The following ACOXL variants were observed in gnomAD, a reference collection of about 807,000 sequenced individuals.
ACOXL encodes acyl-coenzyme A oxidase-like protein.
A neutral mutation model predicts 71.9 loss-of-function variants in ACOXL; 70 were observed. The ratio of observed to expected loss-of-function variants is 0.97; its 90% CI spans 0.80 to 1.19. The LOEUF is 1.19. ACOXL is among the 50% of genes most tolerant of loss of function. The probability of loss-of-function intolerance (pLI) is 0.00; values close to 1 mark genes in which losing one functional copy is unlikely to be tolerated. For synonymous variants in ACOXL, 253 were observed against 281.6 expected (o/e 0.90, Z 1.02); for missense variants, 703 against 736.3 (o/e 0.95, Z 0.52).
intron 9 of ACOXL, among the ~76,000 whole-genome samples, chr2:110,810,666 T>C (rs778261205): frequency 1.5e-4 from 23 of 152,136 alleles, no homozygotes; most frequent in Non-Finnish European, 2.9e-4. Flanking sequence ...CATCATCATT[T>C]ATCCATCCAA....
intron 14 of ACOXL, chr2:111,016,519 CTT>C (rs2064443287): frequency 6.6e-6 from 1 of 152,212 alleles, no homozygotes; most frequent in Non-Finnish European, 1.5e-5. Context: ...CAGGTACTGT[CTT>C]TTCATGTGAA....
rs2070468026 is a variant in ACOXL, at chr2:111,117,852, C to G, written c.*36C>G. 1 of 1,531,348 alleles carries G rather than the reference C, an allele frequency of 6.5e-7. No homozygotes were observed. The highest frequency in any genetic ancestry group is 2.5e-5 in the East Asian group (1 of 40,662). The allele number at this position is 1,531,348 out of a possible 1,614,324, so 94.9% of individuals were successfully genotyped here. A position where few individuals can be genotyped will look rare whatever the true frequency, so the allele number is the denominator to read the frequency against. ...GGGAAGTGTGGTGGCCCGCCAGCAG[C>G]TGCCACGACGCTCGCTCCACCGACG... On this transcript the variant is annotated 3_prime_UTR_variant, in exon 18 of 18. Coordinates refer to ENST00000439055, the MANE Select transcript of ACOXL (RefSeq NM_001142807.4).
At chr2:111,047,177 G>A (rs2066057309) in intron 15 of ACOXL, among the ~76,000 whole-genome samples, 1 of 152,236 alleles carries the variant, frequency 6.6e-6, no homozygotes, top group South Asian at 2.1e-4. Flanking sequence ...TGGTATGGAA[G>A]TTGACTGGTT....
intron 14 of ACOXL, among the ~76,000 whole-genome samples, chr2:111,023,875 G>A (rs946145095): frequency 6.6e-6 from 1 of 152,186 alleles, no homozygotes; most frequent in Non-Finnish European, 1.5e-5. Context: ...GGCTGCGATG[G>A]TGGAAGGTGG....
chr2:111,034,045 A>G (rs188038320), intron 15 of ACOXL, among the ~76,000 whole-genome samples: 3 of 152,330 alleles, frequency 2.0e-5, no homozygotes, highest in African/African-American at 7.2e-5. Context: ...GAGCTTAGTG[A>G]GGACTGAGGA....
intron 16 of ACOXL, among the ~76,000 whole-genome samples, chr2:111,091,849 G>A (rs982994404): frequency 6.6e-6 from 1 of 152,228 alleles, no homozygotes; most frequent in South Asian, 2.1e-4. Flanking sequence ...CCAAGGATAC[G>A]CCAGAACCCC....
At chr2:110,886,419 G>A (rs947037493) in intron 10 of ACOXL, among the ~76,000 whole-genome samples, 3 of 137,536 alleles carry the variant, frequency 2.2e-5, no homozygotes, top group East Asian at 4.2e-4. Flanking sequence ...ACTCTGTTGC[G>A]CAGGCTGGAG....
rs555803683 is a variant in ACOXL at position 110,840,139 on chromosome 2, C to T, written c.754-1232C>T. Among the ~76,000 whole-genome samples, 13 of 152,158 alleles carry T rather than the reference C, an allele frequency of 8.5e-5. No homozygotes were observed. The South Asian group carries it at 1.5e-3, about 17-fold the overall frequency. On this transcript the variant is annotated intron_variant, in intron 9 of 17. Transcript: ENST00000439055. The stretch of plus-strand genomic sequence containing the variant: ...CTGAGTAGCCGGGATTACAGGTGCC[C>T]GCCACCGCACCTGGCTAATTTTTTG...
chr2:110,762,131 A>G (rs992908266), intron 1 of ACOXL, among the ~76,000 whole-genome samples: 1 of 151,506 alleles, frequency 6.6e-6, no homozygotes, highest in African/African-American at 2.4e-5. Context: ...TCTGACATCT[A>G]CTCTAGCTGA....
At chr2:110,914,719 G>A (rs1242490302) in intron 11 of ACOXL, among the ~76,000 whole-genome samples, 2 of 152,172 alleles carry the variant, frequency 1.3e-5, no homozygotes, top group East Asian at 3.8e-4. Flanking sequence ...ATATTGAGTA[G>A]CAGTGGTGAG....
chr2:110,880,633 A>G (rs1220666100), intron 10 of ACOXL, among the ~76,000 whole-genome samples: 3 of 152,150 alleles, frequency 2.0e-5, no homozygotes, highest in Non-Finnish European at 4.4e-5. Flanking sequence ...GGCAATTTAA[A>G]CATTGCCAAA....
chr2:110,810,204 C>T (rs17464100), intron 9 of ACOXL, among the ~76,000 whole-genome samples: 22,175 of 152,198 alleles, frequency 0.15, 1,964 homozygotes, highest in Middle Eastern at 0.21. Flanking sequence ...TGCTGTAACA[C>T]GATCAGGCCT....
chr2:111,108,502 C>A (rs950063250), intron 17 of ACOXL, among the ~76,000 whole-genome samples: 1 of 151,064 alleles, frequency 6.6e-6, no homozygotes, highest in African/African-American at 2.4e-5. Context: ...CCTCAGCCTC[C>A]CAAGTAGCGA....
chr2:110,859,500 G>A (rs1267129079), intron 10 of ACOXL, among the ~76,000 whole-genome samples: 1 of 152,164 alleles, frequency 6.6e-6, no homozygotes, highest in Non-Finnish European at 1.5e-5. Flanking sequence ...AGACTTATTG[G>A]GGCAAGCTCT....
intron 14 of ACOXL, among the ~76,000 whole-genome samples, chr2:111,027,917 G>C (rs1456133309): frequency 3.9e-5 from 6 of 152,058 alleles, no homozygotes; most frequent in African/African-American, 1.4e-4. Context: ...GGGCACAGTG[G>C]CTCACACCTG....
intron 2 of ACOXL, among the ~76,000 whole-genome samples, chr2:110,782,746 T>A (rs1683492850): frequency 6.6e-6 from 1 of 152,208 alleles, no homozygotes; most frequent in African/African-American, 2.4e-5. Flanking sequence ...ACTGACAGTG[T>A]TCGTGAAGAG....
chr2:110,904,750 T>C (rs1209970719), intron 10 of ACOXL, among the ~76,000 whole-genome samples: 1 of 152,106 alleles, frequency 6.6e-6, no homozygotes, highest in Non-Finnish European at 1.5e-5. Context: ...TATTGTGGTT[T>C]CCACAGGAAG....
chr2:110,932,840 AG>A (rs1355988444), intron 11 of ACOXL, among the ~76,000 whole-genome samples: 1 of 152,168 alleles, frequency 6.6e-6, no homozygotes, highest in African/African-American at 2.4e-5. Flanking sequence ...AGCAAAGGAG[AG>A]GTTTTCCAAT....
At chr2:111,089,283 C>T (rs757443258) in intron 16 of ACOXL, among the ~76,000 whole-genome samples, 1 of 151,938 alleles carries the variant, frequency 6.6e-6, no homozygotes, top group Non-Finnish European at 1.5e-5. Context: ...GGCGATAGAC[C>T]GAGACTCCGT....
Sources: gnomAD v4.1 joint callset for allele counts (sites outside exome capture counted in the v4.1 genomes callset) on GRCh38, gnomAD v4.1.1 for gene constraint, MANE v1.5 for transcripts, NCBI Gene and HGNC (gene_info 2026-07-23, HGNC 2026-07-21) for gene names.